TMEM132D: variants seen among roughly 807,000 people sequenced by gnomAD.
TMEM132D encodes mature OL transmembrane protein.
TMEM132D carries 21 observed loss-of-function variants against 62.3 expected under a neutral mutation model. That is an observed-to-expected ratio of 0.34 (90% CI 0.24 to 0.49). TMEM132D has a LOEUF of 0.49. TMEM132D is among the 20% of genes least tolerant of loss of function. The probability of loss-of-function intolerance (pLI) is 0.99; values close to 1 mark genes in which losing one functional copy is unlikely to be tolerated. For missense variants in TMEM132D, 1,346 were observed against 1,402.8 expected, an observed-to-expected ratio of 0.96 and a Z score of 0.65; for synonymous variants, 621 against 575.6, an observed-to-expected ratio of 1.08 and a Z score of -1.13.
At chr12:129,501,640 G>A (rs886555287) in intron 3 of TMEM132D, among the ~76,000 whole-genome samples, 1 of 151,988 alleles carries the variant, frequency 6.6e-6, no homozygotes, top group African/African-American at 2.4e-5. Flanking sequence ...AAATAGCTGG[G>A]CCTATAGATG....
At chr12:129,134,103 GTGTGTCTGTGTGT>G (rs1489616049) in intron 5 of TMEM132D, among the ~76,000 whole-genome samples, 17 of 117,916 alleles carry the variant, frequency 1.4e-4, no homozygotes, top group Admixed American at 6.5e-4. Flanking sequence ...TGTGTGTGTT[GTGTGTCTGTGTGT>G]TGTGTGTGTG....
At chr12:129,456,017 G>A (rs1873452576) in intron 3 of TMEM132D, among the ~76,000 whole-genome samples, 1 of 152,194 alleles carries the variant, frequency 6.6e-6, no homozygotes, top group Admixed American at 6.5e-5. Flanking sequence ...ATGGCAGGAG[G>A]TGAATAGTTT....
At position 129,230,309 on chromosome 12, in the gene TMEM132D, G is replaced by A. The variant is rs545840106; in HGVS notation, c.1300-20646C>T. Among the ~76,000 whole-genome samples the A allele has an allele frequency of 2.8e-4, 42 of 149,340 alleles. 1 individual carries two copies. The highest frequency in any genetic ancestry group is 6.0e-5 in the Non-Finnish European group (4 of 67,202). ...TTCCTAAACTCCTTCTGTGTTGGAG[G>A]GGGGGGGCTCCCCAGCCTGGCCATC... On this transcript the variant is annotated intron_variant, in intron 4 of 8. Coordinates refer to ENST00000422113, the MANE Select transcript of TMEM132D (RefSeq NM_133448.3).
chr12:129,526,682 A>G (rs1211459163), intron 3 of TMEM132D, among the ~76,000 whole-genome samples: 1 of 152,198 alleles, frequency 6.6e-6, no homozygotes, highest in African/African-American at 2.4e-5. Context: ...TGGTCATGTG[A>G]TTAAGTTCTT....
intron 3 of TMEM132D, among the ~76,000 whole-genome samples, chr12:129,528,120 ACACT>A (rs1876107382): frequency 6.6e-6 from 1 of 152,188 alleles, no homozygotes; most frequent in Non-Finnish European, 1.5e-5. Context: ...TAACTAGAAA[ACACT>A]CAAAGAGGGT....
At chr12:129,409,846 A>G (rs937678989) in intron 3 of TMEM132D, among the ~76,000 whole-genome samples, 1 of 152,224 alleles carries the variant, frequency 6.6e-6, no homozygotes, top group Non-Finnish European at 1.5e-5. Flanking sequence ...AAGCTGCATC[A>G]TGCTTGCATG....
At chr12:129,084,234 T>G (rs1874540926) in intron 6 of TMEM132D, among the ~76,000 whole-genome samples, 1 of 152,164 alleles carries the variant, frequency 6.6e-6, no homozygotes, top group Non-Finnish European at 1.5e-5. Context: ...GGATAAGACT[T>G]AAATTCAGGA....
At chr12:129,623,984 T>C (rs906281984) in intron 2 of TMEM132D, among the ~76,000 whole-genome samples, 20 of 152,078 alleles carry the variant, frequency 1.3e-4, no homozygotes, top group African/African-American at 4.8e-4. Flanking sequence ...TGTATAACTC[T>C]CCATCTTAAC....
At chr12:129,600,552 C>G (rs1393222382) in intron 2 of TMEM132D, among the ~76,000 whole-genome samples, 9 of 152,354 alleles carry the variant, frequency 5.9e-5, no homozygotes, top group African/African-American at 2.2e-4. Flanking sequence ...GAATCACTAT[C>G]TCTGGCAGCC....
intron 4 of TMEM132D, among the ~76,000 whole-genome samples, chr12:129,331,780 G>A (rs1869112655): frequency 6.6e-6 from 1 of 152,238 alleles, no homozygotes; most frequent in South Asian, 2.1e-4. Context: ...GAACACTGGT[G>A]TAAACTTGAA....
intron 3 of TMEM132D, among the ~76,000 whole-genome samples, chr12:129,406,434 C>A (rs1158316126): frequency 2.6e-5 from 4 of 152,098 alleles, no homozygotes; most frequent in African/African-American, 9.7e-5. Context: ...ACCTGACTAA[C>A]ATGGTGAAAC....
At chr12:129,146,299 C>A (rs1440243198) in intron 5 of TMEM132D, among the ~76,000 whole-genome samples, 1 of 152,104 alleles carries the variant, frequency 6.6e-6, no homozygotes, top group African/African-American at 2.4e-5. Context: ...ATTCTACCTG[C>A]TAGATATCTT....
intron 4 of TMEM132D, among the ~76,000 whole-genome samples, chr12:129,224,292 C>A (rs2135575100): frequency 6.6e-6 from 1 of 152,274 alleles, no homozygotes; most frequent in African/African-American, 2.4e-5. Context: ...GGGATCCTCC[C>A]ATCAGAATAT....
intron 3 of TMEM132D, among the ~76,000 whole-genome samples, chr12:129,374,269 CAGAGAGAG>C (rs35178347): frequency 2.1e-5 from 3 of 144,266 alleles, no homozygotes; most frequent in African/African-American, 7.9e-5. Context: ...CCTCACACAT[CAGAGAGAG>C]AGAGAGAGAG....
At chr12:129,166,680 T>TACACACACAC (rs1488503458) in intron 5 of TMEM132D, among the ~76,000 whole-genome samples, 1 of 76,300 alleles carries the variant, frequency 1.3e-5, no homozygotes, top group African/African-American at 4.0e-5. Context: ...AGGACATATA[T>TACACACACAC]ATACACATAC....
At chr12:129,111,969 C>T (rs542241261) in intron 5 of TMEM132D, among the ~76,000 whole-genome samples, 2 of 152,218 alleles carry the variant, frequency 1.3e-5, no homozygotes, top group South Asian at 2.1e-4. Context: ...TCATGATGCC[C>T]GTGTTTTGCT....
At chr12:129,807,019 G>T (rs1872011892) in intron 1 of TMEM132D, among the ~76,000 whole-genome samples, 1 of 152,166 alleles carries the variant, frequency 6.6e-6, no homozygotes, top group Admixed American at 6.5e-5. Context: ...GGGCAACAGA[G>T]CAAGACCCTA....
intron 2 of TMEM132D, among the ~76,000 whole-genome samples, chr12:129,559,682 G>A (rs1182610210): frequency 6.6e-6 from 1 of 152,164 alleles, no homozygotes; most frequent in Non-Finnish European, 1.5e-5. Flanking sequence ...TGAATCAGAA[G>A]TGTTTATTAA....
chr12:129,386,715 C>A (rs1871114959), intron 3 of TMEM132D, among the ~76,000 whole-genome samples: 1 of 151,064 alleles, frequency 6.6e-6, no homozygotes, highest in Non-Finnish European at 1.5e-5. Context: ...AATGCCAACA[C>A]TAACACCAAC....
Sources: allele counts gnomAD v4.1 joint callset (sites outside exome capture counted in the v4.1 genomes callset), GRCh38; gene constraint gnomAD v4.1.1; transcripts MANE v1.5; gene names NCBI Gene and HGNC (gene_info 2026-07-23, HGNC 2026-07-21).